TAS2R1: variants seen among roughly 807,000 people sequenced by gnomAD.
TAS2R1 encodes taste receptor type 2 member 1.
For synonymous variants in TAS2R1, 141 were observed against 134.2 expected, an observed-to-expected ratio of 1.05 and a Z score of -0.35; for missense variants, 370 against 353.4, an observed-to-expected ratio of 1.05 and a Z score of -0.38.
the TAS2R1 span, among the ~76,000 whole-genome samples, chr5:9,844,119 G>T: frequency 6.6e-6 from 1 of 152,152 alleles, no homozygotes; most frequent in East Asian, 1.9e-4. Context: ...CTGGTGAGAA[G>T]GAAGTCACAG....
chr5:9,800,188 C>T, the TAS2R1 span, among the ~76,000 whole-genome samples: 1 of 152,210 alleles, frequency 6.6e-6, no homozygotes, highest in African/African-American at 2.4e-5. Flanking sequence ...GCCAGGGATG[C>T]TGTTCAAAAT....
chr5:9,740,321 C>T, the TAS2R1 span, among the ~76,000 whole-genome samples: 1 of 152,174 alleles, frequency 6.6e-6, no homozygotes, highest in Non-Finnish European at 1.5e-5. Context: ...GATTACACAA[C>T]CTGCCCCCAA....
At chr5:9,724,971 A>G in the TAS2R1 span, among the ~76,000 whole-genome samples, 1,330 of 152,380 alleles carry the variant, frequency 8.7e-3, 13 homozygotes, top group African/African-American at 0.026. Context: ...TTTGTGGGGC[A>G]GCCCATTTGA....
chr5:9,685,513 C>A (rs1014802872), intron 1 of TAS2R1, among the ~76,000 whole-genome samples: 1 of 151,944 alleles, frequency 6.6e-6, no homozygotes, highest in African/African-American at 2.4e-5. Context: ...TAAAACTGGG[C>A]AAAATGTCTT....
chr5:9,666,651 G>A (rs958288997), intron 1 of TAS2R1, among the ~76,000 whole-genome samples: 3 of 151,940 alleles, frequency 2.0e-5, no homozygotes, highest in African/African-American at 7.3e-5. Flanking sequence ...GGGTGGGGTG[G>A]GGGCAAAGGA....
intron 1 of TAS2R1, among the ~76,000 whole-genome samples, chr5:9,664,564 G>A (rs901023004): frequency 1.3e-5 from 2 of 152,194 alleles, no homozygotes; most frequent in Non-Finnish European, 2.9e-5. Context: ...TCTAGAAGAT[G>A]CCACAGTCTG....
At chr5:9,842,312 C>CTTTTTTTTTTTT in the TAS2R1 span, among the ~76,000 whole-genome samples, 2 of 120,378 alleles carry the variant, frequency 1.7e-5, 1 homozygote. Flanking sequence ...GTCTTTCTTT[C>CTTTTTTTTTTTT]TCTCTTTTTT....
At chr5:9,662,039 A>G (rs1166860779) in intron 1 of TAS2R1, among the ~76,000 whole-genome samples, 2 of 152,110 alleles carry the variant, frequency 1.3e-5, no homozygotes, top group Non-Finnish European at 2.9e-5. Flanking sequence ...ATCCATTCAC[A>G]TGCCTGCTTG....
chr5:9,784,991 C>T, the TAS2R1 span, among the ~76,000 whole-genome samples: 204 of 152,250 alleles, frequency 1.3e-3, no homozygotes, highest in Non-Finnish European at 2.5e-3. Flanking sequence ...CACAATTCAA[C>T]CCAGAACAGT....
the TAS2R1 span, chr5:9,870,061 G>C: frequency 6.6e-6 from 1 of 152,210 alleles, no homozygotes; most frequent in Non-Finnish European, 1.5e-5. Context: ...CTGGAAACAT[G>C]ACTAAGCCTT....
At chr5:9,722,814 G>A in the TAS2R1 span, among the ~76,000 whole-genome samples, 1 of 152,182 alleles carries the variant, frequency 6.6e-6, no homozygotes, top group Non-Finnish European at 1.5e-5. Flanking sequence ...TGAATAATTG[G>A]GCTTGGAATA....
At chr5:9,809,333 G>A in the TAS2R1 span, among the ~76,000 whole-genome samples, 1 of 152,122 alleles carries the variant, frequency 6.6e-6, no homozygotes, top group African/African-American at 2.4e-5. Context: ...GAATATTTGT[G>A]TTCCCTCAAA....
chr5:9,890,516 T>G, the TAS2R1 span, among the ~76,000 whole-genome samples: 3 of 152,190 alleles, frequency 2.0e-5, no homozygotes, highest in Non-Finnish European at 2.9e-5. Flanking sequence ...TATATATCAT[T>G]GTAGGGCTCA....
chr5:9,780,451 C>A, the TAS2R1 span, among the ~76,000 whole-genome samples: 1 of 152,314 alleles, frequency 6.6e-6, no homozygotes, highest in South Asian at 2.1e-4. Flanking sequence ...GCTGGGACCC[C>A]CTACCCACTA....
chr5:9,837,288 C>T, the TAS2R1 span, among the ~76,000 whole-genome samples: 2 of 152,198 alleles, frequency 1.3e-5, no homozygotes, highest in East Asian at 1.9e-4. Context: ...GTGCCAGCTG[C>T]TCTCTGTAGG....
intron 1 of TAS2R1, among the ~76,000 whole-genome samples, chr5:9,696,737 G>C (rs893706338): frequency 2.0e-5 from 3 of 152,118 alleles, no homozygotes; most frequent in African/African-American, 7.2e-5. Context: ...CGCAAGGCCG[G>C]GTGTGGTGGC....
chr5:9,629,389 C>T lies in TAS2R1; in HGVS notation c.644G>A (p.Ser215Asn), dbSNP rs1739823967. 1.2e-6 allele frequency: 2 copies of T among 1,614,024 alleles called. No individual in the cohort carries two copies. The highest frequency in any genetic ancestry group is 2.7e-5 in the African/African-American group (2 of 74,900). Residue 215 changes from serine to asparagine, a missense_variant, in exon 1 of 1, where the codon AGC becomes AAC. Ser to Asn is a conservative substitution (Grantham distance 46). Coordinates refer to ENST00000382492, the MANE Select transcript of TAS2R1 (RefSeq NM_019599.3). ...GGGTGCACCCCTGCCAGGAACCCTG[C>T]TGCCGGCCACTGTGTTTCTCATTTG... is the stretch of plus-strand genomic sequence containing the variant. ...TRQMRNTVAG[S>N]RVPGRGAPIS...
At chr5:9,842,914 T>C in the TAS2R1 span, among the ~76,000 whole-genome samples, 1 of 152,112 alleles carries the variant, frequency 6.6e-6, no homozygotes, top group Non-Finnish European at 1.5e-5. Context: ...AATCTAACAA[T>C]TGGACAAATA....
the TAS2R1 span, among the ~76,000 whole-genome samples, chr5:9,748,634 G>C: frequency 0.08 from 11,221 of 139,884 alleles, 1,082 homozygotes; most frequent in East Asian, 0.31. Context: ...GAGGGAGATA[G>C]TAGGCTTTTT....
Sources: allele counts gnomAD v4.1 joint callset (sites outside exome capture counted in the v4.1 genomes callset), GRCh38; gene constraint gnomAD v4.1.1; transcripts MANE v1.5; gene names NCBI Gene and HGNC (gene_info 2026-07-23, HGNC 2026-07-21).